Variants in KAZN observed in about 807,000 individuals in gnomAD.
KAZN encodes kazrin.
Under a neutral mutation model 87.4 loss-of-function variants are expected in KAZN, and 40 were observed. That is an observed-to-expected ratio of 0.46 (90% confidence interval 0.36 to 0.60). The LOEUF (loss-of-function observed/expected upper bound fraction) is 0.60, where lower values mean the gene tolerates loss of function less well. KAZN is among the 20% of genes least tolerant of loss of function. The pLI, the probability that KAZN is intolerant of heterozygous loss-of-function variation, is 0.00. For synonymous variants in KAZN, 466 were observed against 458.3 expected, an observed-to-expected ratio of 1.02 and a Z score of -0.22; for missense variants, 898 against 1,073.9, an observed-to-expected ratio of 0.84 and a Z score of 2.29.
At chr1:15,109,729 GTGTGTA>G (rs1389045616) in intron 13 of KAZN, among the ~76,000 whole-genome samples, 1 of 104,716 alleles carries the variant, frequency 9.5e-6, no homozygotes, top group African/African-American at 3.0e-5. Context: ...GTATATATCT[GTGTGTA>G]TGTGTGTTTG....
At chr1:14,967,538 C>G (rs1004473896) in intron 2 of KAZN, among the ~76,000 whole-genome samples, 4 of 152,132 alleles carry the variant, frequency 2.6e-5, no homozygotes, top group Admixed American at 2.0e-4. Context: ...CAAAGGGGAA[C>G]GAAGCTTGCC....
chr1:13,910,176 C>T (rs1039755694), intron 1 of KAZN, among the ~76,000 whole-genome samples: 5 of 151,978 alleles, frequency 3.3e-5, no homozygotes, highest in South Asian at 2.1e-4. Flanking sequence ...GATGCTGCTG[C>T]GGCGATAGTG....
At chr1:14,514,492 T>TATATA (rs1671159240) in intron 2 of KAZN, among the ~76,000 whole-genome samples, 2 of 70,632 alleles carry the variant, frequency 2.8e-5, no homozygotes, top group East Asian at 1.1e-3. Context: ...TAAATATTTA[T>TATATA]ATATGTAAAA....
Position 14,993,423 on chromosome 1 carries a change from C to G in KAZN, c.418+32548C>G, listed in dbSNP as rs192411667. On this transcript the variant is annotated intron_variant, in intron 2 of 14. Coordinates refer to ENST00000376030, the MANE Select transcript of KAZN (RefSeq NM_201628.3). ...GATGGAGGTTGCAGTGAGCCAAGAT[C>G]ACGCCATTGCACTCCAGCCTGGGCA... is the stretch of plus-strand genomic sequence containing the variant. Among the ~76,000 whole-genome samples, 550 of 151,816 alleles carry G rather than the reference C, an allele frequency of 3.6e-3. 12 individuals carry two copies. Among genetic ancestry groups the G allele is most frequent in the Admixed American group, 0.028 (421 of 15,250 alleles).
At chr1:14,065,278 T>C (rs530386707) in intron 1 of KAZN, among the ~76,000 whole-genome samples, 1 of 152,136 alleles carries the variant, frequency 6.6e-6, no homozygotes, top group East Asian at 1.9e-4. Flanking sequence ...TTGGAGGAAA[T>C]GGGCTGGGGT....
intron 2 of KAZN, among the ~76,000 whole-genome samples, chr1:14,297,413 G>T (rs1445533101): frequency 6.6e-6 from 1 of 152,156 alleles, no homozygotes; most frequent in Non-Finnish European, 1.5e-5. Flanking sequence ...TCACTCCCTG[G>T]CTCTAAGCAA....
intron 1 of KAZN, among the ~76,000 whole-genome samples, chr1:14,948,256 ATAGGATCTGGC>A (rs1662060324): frequency 6.6e-6 from 1 of 152,210 alleles, no homozygotes; most frequent in Admixed American, 6.5e-5. Context: ...AAGTTCAGGG[ATAGGATCTGGC>A]TTCAGGTGTG....
intron 1 of KAZN, among the ~76,000 whole-genome samples, chr1:14,679,378 G>A (rs1640431899): frequency 6.6e-6 from 1 of 152,096 alleles, no homozygotes; most frequent in Non-Finnish European, 1.5e-5. Context: ...GCTCTGGGGT[G>A]CAGGGGTGGT....
At chr1:14,252,038 T>C (rs919561476) in intron 2 of KAZN, among the ~76,000 whole-genome samples, 2 of 152,130 alleles carry the variant, frequency 1.3e-5, no homozygotes, top group Non-Finnish European at 2.9e-5. Flanking sequence ...CACTGCAGTC[T>C]TGGAAGAGGA....
chr1:14,118,350 C>T (rs1644675827), intron 1 of KAZN, among the ~76,000 whole-genome samples: 1 of 152,152 alleles, frequency 6.6e-6, no homozygotes, highest in Admixed American at 6.5e-5. Context: ...CAAGCAGGAA[C>T]ATGTTATTCA....
chr1:14,749,652 C>T (rs1644358040), intron 1 of KAZN, among the ~76,000 whole-genome samples: 2 of 152,162 alleles, frequency 1.3e-5, no homozygotes, highest in Non-Finnish European at 2.9e-5. Context: ...GGTTTTTCTG[C>T]ACAGGGGCCC....
At chr1:14,865,762 C>G (rs1047851552) in intron 1 of KAZN, among the ~76,000 whole-genome samples, 10 of 152,138 alleles carry the variant, frequency 6.6e-5, no homozygotes, top group Non-Finnish European at 1.3e-4. Context: ...TATAACTAGT[C>G]AAGTTAAGAT....
At chr1:14,318,014 CT>C (rs1459865756) in intron 2 of KAZN, among the ~76,000 whole-genome samples, 1 of 151,874 alleles carries the variant, frequency 6.6e-6, no homozygotes, top group Non-Finnish European at 1.5e-5. Flanking sequence ...CTTTTTTCCC[CT>C]TTTCCATTTT....
intron 1 of KAZN, among the ~76,000 whole-genome samples, chr1:14,032,623 CA>C (rs1016779141): frequency 1.3e-5 from 2 of 152,214 alleles, no homozygotes; most frequent in African/African-American, 4.8e-5. Context: ...ATTCTGCATG[CA>C]GCTACCAGAG....
intron 8 of KAZN, among the ~76,000 whole-genome samples, chr1:15,069,743 A>G (rs1272206251): frequency 1.3e-5 from 2 of 152,240 alleles, no homozygotes; most frequent in African/African-American, 4.8e-5. Flanking sequence ...ATCCAGGGCC[A>G]GCTGCACAGG....
At chr1:14,956,606 C>CAA (rs35132323) in intron 1 of KAZN, among the ~76,000 whole-genome samples, 3 of 138,430 alleles carry the variant, frequency 2.2e-5, no homozygotes, top group Non-Finnish European at 3.1e-5. Flanking sequence ...AACTCTATCT[C>CAA]AAAAAAAAAA....
intron 2 of KAZN, among the ~76,000 whole-genome samples, chr1:14,464,951 AC>A (rs56960769): frequency 0.071 from 10,776 of 152,164 alleles, 894 homozygotes; most frequent in African/African-American, 0.2. Context: ...CAGTGACTTC[AC>A]ATAACCAGTG....
chr1:15,019,794 A>G (rs1038490310), intron 2 of KAZN, among the ~76,000 whole-genome samples: 23 of 152,152 alleles, frequency 1.5e-4, no homozygotes, highest in Non-Finnish European at 3.2e-4. Flanking sequence ...TACCCACCCC[A>G]TAGGAATCAC....
chr1:13,997,202 A>T (rs1639566711), intron 1 of KAZN, among the ~76,000 whole-genome samples: 1 of 152,120 alleles, frequency 6.6e-6, no homozygotes, highest in African/African-American at 2.4e-5. Flanking sequence ...CAACCCCCAC[A>T]AAAACCCCAT....
Sources: gnomAD v4.1 joint callset for allele counts (sites outside exome capture counted in the v4.1 genomes callset) on GRCh38, gnomAD v4.1.1 for gene constraint, MANE v1.5 for transcripts, NCBI Gene and HGNC (gene_info 2026-07-23, HGNC 2026-07-21) for gene names.